The following VIPAS39 variants were observed in gnomAD, a reference collection of about 807,000 sequenced individuals.
VIPAS39 encodes the protein spermatogenesis-defective protein 39 homolog.
Under a neutral mutation model 84.7 loss-of-function variants are expected in VIPAS39, and 63 were observed. That is an observed-to-expected ratio of 0.74 (90% CI 0.61 to 0.92). The LOEUF (loss-of-function observed/expected upper bound fraction) is 0.92. Among genes scored for constraint, VIPAS39 ranks in the 40% least tolerant of loss-of-function variants. VIPAS39 has a pLI of 0.00. For synonymous variants in VIPAS39, 192 were observed against 216.5 expected, an observed-to-expected ratio of 0.89 and a Z score of 0.99; for missense variants, 499 against 604.5, an observed-to-expected ratio of 0.83 and a Z score of 1.83.
chr14:77,444,652 A>G (rs1451571816), intron 7 of VIPAS39, among the ~76,000 whole-genome samples: 2 of 151,980 alleles, frequency 1.3e-5, no homozygotes, highest in Non-Finnish European at 2.9e-5. Context: ...GGCTCACTGC[A>G]AGCTCCGCCT....
intron 3 of VIPAS39, among the ~76,000 whole-genome samples, chr14:77,452,822 A>G (rs566628798): frequency 5.1e-4 from 78 of 151,518 alleles, no homozygotes; most frequent in African/African-American, 1.8e-3. Flanking sequence ...CTGAAAAAGT[A>G]TTAAGTGGTA....
chr14:77,433,809 A>C, intron 16 of VIPAS39, 33 bp downstream of exon 16: 1 of 1,603,898 alleles, frequency 6.2e-7, no homozygotes, highest in Non-Finnish European at 8.5e-7. Flanking sequence ...TCTGTCTCCC[A>C]AGGCCTCAGC....
At chr14:77,457,369 A>G in intron 1 of VIPAS39, 126 bp downstream of exon 1, 1 of 1,535,666 alleles carries the variant, frequency 6.5e-7, no homozygotes, top group Non-Finnish European at 8.7e-7. Context: ...GCCCTGACTG[A>G]AAGAAGAGAA....
intron 11 of VIPAS39, among the ~76,000 whole-genome samples, chr14:77,439,472 A>T (rs1325908933): frequency 1.3e-5 from 2 of 152,184 alleles, no homozygotes; most frequent in Non-Finnish European, 2.9e-5. Flanking sequence ...TTTGAATATT[A>T]AGTACAAGTT....
intron 2 of VIPAS39, 77 bp downstream of exon 2, chr14:77,453,933 A>C (rs1424773654): frequency 2.2e-6 from 3 of 1,390,538 alleles, no homozygotes; most frequent in Non-Finnish European, 3.1e-6. Flanking sequence ...TCAAAAGCCT[A>C]GTTACCCAGA....
intron 16 of VIPAS39, among the ~76,000 whole-genome samples, 197 bp from the exon 17 acceptor site, chr14:77,429,964 A>G (rs1247757057): frequency 1.3e-5 from 2 of 152,230 alleles, no homozygotes. Flanking sequence ...GTTTGAAATA[A>G]CTTCTTAGAT....
intron 16 of VIPAS39, among the ~76,000 whole-genome samples, chr14:77,432,459 C>T (rs2139755120): frequency 6.7e-6 from 1 of 149,082 alleles, no homozygotes; most frequent in Non-Finnish European, 1.5e-5. Context: ...CTCACAGAGA[C>T]ATCTACACTC....
intron 7 of VIPAS39, among the ~76,000 whole-genome samples, chr14:77,446,042 C>T (rs1167561509): frequency 1.3e-5 from 2 of 149,396 alleles, no homozygotes; most frequent in Admixed American, 6.7e-5. Flanking sequence ...CCTTTCATGG[C>T]TTTAACAGTG....
chr14:77,432,657 TAAGCCAGACAG>T (rs2078541111), intron 16 of VIPAS39, among the ~76,000 whole-genome samples: 1 of 152,116 alleles, frequency 6.6e-6, no homozygotes, highest in Admixed American at 6.5e-5. Flanking sequence ...CTAAGTGAAA[TAAGCCAGACAG>T]AAAGGAAAAT....
chr14:77,453,173 G>T, intron 3 of VIPAS39, 126 bp downstream of exon 3: 1 of 1,009,458 alleles, frequency 9.9e-7, no homozygotes. Flanking sequence ...CCAGATGTAT[G>T]CTTATCTGAA....
chr14:77,441,044 C>G lies in VIPAS39; in HGVS notation c.762+22G>C, dbSNP rs753768362. On this transcript the variant is annotated intron_variant, in intron 11 of 19. Transcript: ENST00000557658. ...AGATTTCTGTTAAACAGGTACCCAA[C>G]TGAAACAAAGGCCACACTTACCGCA... The G allele has an allele frequency of 8.7e-6, 14 of 1,609,422 alleles. No homozygotes were observed. The South Asian group carries it at 1.2e-4, about 14-fold the overall frequency.
At chr14:77,449,412 T>C in intron 5 of VIPAS39, 55 bp from the exon 6 acceptor site, 1 of 1,599,280 alleles carries the variant, frequency 6.3e-7, no homozygotes, top group South Asian at 1.1e-5. Flanking sequence ...TGCTTGTCAT[T>C]CCTTCCCTCT....
At chr14:77,449,475 T>C (rs2078848774) in intron 5 of VIPAS39, 118 bp from the exon 6 acceptor site, 1 of 1,372,538 alleles carries the variant, frequency 7.3e-7, no homozygotes, top group African/African-American at 1.4e-5. Flanking sequence ...GTTAACTTTA[T>C]GGCCAAAAGC....
At chr14:77,448,780 TG>T (rs1341974825) in intron 6 of VIPAS39, among the ~76,000 whole-genome samples, 2 of 152,110 alleles carry the variant, frequency 1.3e-5, no homozygotes, top group African/African-American at 4.8e-5. Context: ...AGGAGCCAAT[TG>T]ACAAAGCCAG....
At chr14:77,435,756 C>G in intron 13 of VIPAS39, 88 bp downstream of exon 13, 1 of 1,394,816 alleles carries the variant, frequency 7.2e-7, no homozygotes, top group South Asian at 1.2e-5. Context: ...AAGAAATGAC[C>G]CACGTGCAGA....
At chr14:77,442,501 T>G in intron 10 of VIPAS39, 59 bp downstream of exon 10, 1 of 1,418,298 alleles carries the variant, frequency 7.1e-7, no homozygotes, top group Non-Finnish European at 1.0e-6. Context: ...TTTGTATCCC[T>G]CAGAGTGCTT....
Position 77,435,405 on chromosome 14 carries a change from T to C in VIPAS39, c.913-12A>G, listed in dbSNP as rs200356099. On this transcript the variant is annotated splice_polypyrimidine_tract_variant and intron_variant, in intron 13 of 19. Coordinates refer to ENST00000557658, the MANE Select transcript of VIPAS39 (RefSeq NM_001193315.2). Reference sequence around the variant, plus strand: ...TGGCGATCATTTGCCTGTGGTGGAGTGAGCCAAGTGAAAAAAAAAAAAAAC... The same window carrying C: ...TGGCGATCATTTGCCTGTGGTGGAGCGAGCCAAGTGAAAAAAAAAAAAAAC... 869 of 1,313,188 alleles carry C rather than the reference T, an allele frequency of 6.6e-4. 7 individuals are homozygous for C. The African/African-American group carries it at 0.014, about 22-fold the overall frequency. The allele number at this position is 1,313,188 out of a possible 1,614,324, so 81.3% of individuals were successfully genotyped here.
intron 8 of VIPAS39, among the ~76,000 whole-genome samples, chr14:77,443,676 C>T (rs140495751): frequency 0.029 from 4,473 of 152,166 alleles, 217 homozygotes; most frequent in African/African-American, 0.1. Flanking sequence ...TGGTGGATCA[C>T]CTGAGGTCAG....
rs964073736 is a variant in VIPAS39, at chr14:77,448,644, A to G, written c.448-94T>C. On this transcript the variant is annotated intron_variant, in intron 6 of 19. Transcript: ENST00000557658. The stretch of plus-strand genomic sequence containing the variant: ...AACTCAAACTCAGTCTTAGTGTCTA[A>G]GGGGGAAATAATTTGTGGGAGGGAA... 3.1e-6 allele frequency: 4 copies of G among 1,309,140 alleles called. No individual in the cohort carries two copies. The African/African-American group carries it at 5.8e-5, about 19-fold the overall frequency. 81.1% of individuals were successfully genotyped at this position (1,309,140 alleles called of 1,614,324 possible). A position where few individuals can be genotyped will look rare whatever the true frequency, so the allele number is the denominator to read the frequency against.
Sources: allele counts gnomAD v4.1 joint callset (sites outside exome capture counted in the v4.1 genomes callset), GRCh38; gene constraint gnomAD v4.1.1; transcripts MANE v1.5; gene names NCBI Gene and HGNC (gene_info 2026-07-23, HGNC 2026-07-21).